The following ATP6V1C2 variants were observed in gnomAD, a reference collection of about 807,000 sequenced individuals.
The protein encoded by ATP6V1C2 is ATPase H+ transporting V1 subunit C2.
In ATP6V1C2, 45 loss-of-function variants were observed where a neutral mutation model predicts 56.8. The observed-to-expected ratio is 0.79, with a 90% confidence interval of 0.62 to 1.02. ATP6V1C2 has a LOEUF of 1.02. Among genes scored for constraint, ATP6V1C2 ranks in the 50% least tolerant of loss-of-function variants. ATP6V1C2 has a pLI of 0.00. For missense variants in ATP6V1C2, 463 were observed against 519.7 expected (o/e 0.89, Z 1.06); for synonymous variants, 220 against 201.3 (o/e 1.09, Z -0.79).
chr2:10,757,003 CT>C (rs57191070), intron 4 of ATP6V1C2, among the ~76,000 whole-genome samples: 295 of 81,478 alleles, frequency 3.6e-3, no homozygotes, highest in Non-Finnish European at 3.9e-3. Context: ...CATGAGGAGA[CT>C]TTTTTTTTTT....
intron 1 of ATP6V1C2, among the ~76,000 whole-genome samples, chr2:10,722,561 G>A (rs1172512825): frequency 6.6e-6 from 1 of 152,152 alleles, no homozygotes; most frequent in Non-Finnish European, 1.5e-5. Flanking sequence ...GTTCACTGAG[G>A]TGGAGAGAAA....
intron 3 of ATP6V1C2, among the ~76,000 whole-genome samples, chr2:10,727,877 C>T (rs147458998): frequency 0.014 from 2,196 of 152,254 alleles, 102 homozygotes; most frequent in East Asian, 0.14. Context: ...TCACTCCAGC[C>T]TGGGTGACAG....
In ATP6V1C2 at chr2:10,722,854, C is replaced by T. The variant is rs200699798; in HGVS notation, c.5C>T (p.Ser2Leu). The part of the protein sequence containing the change: M[S>L]EFWLISAPGD... ...GGGTAAGAGAAGACTGGAAGCATGT[C>T]GGAGTTTTGGTTAATTTCTGCCCCT... is the stretch of plus-strand genomic sequence containing the variant. The change falls in exon 2 of 14, where the codon TCG becomes TTG. Residue 2 changes from serine to leucine, a missense_variant. Ser to Leu is a moderately radical substitution (Grantham distance 145). Coordinates refer to ENST00000272238, the MANE Select transcript of ATP6V1C2 (RefSeq NM_001039362.2). The T allele has an allele frequency of 8.5e-5, 137 of 1,613,920 alleles. 1 individual carries two copies. Among genetic ancestry groups the T allele is most frequent in the East Asian group, 4.0e-4 (18 of 44,866 alleles).
Position 10,727,827 on chromosome 2 carries a change from AG to A in ATP6V1C2, c.197+1264del, listed in dbSNP as rs919926633. Among the ~76,000 whole-genome samples, 24 of 122,568 alleles carry A rather than the reference AG, an allele frequency of 2.0e-4. No homozygotes were observed. In the South Asian group the frequency reaches 3.2e-3, roughly 16 times the overall value. The allele number at this position is 122,568 out of a possible 152,430, so 80.4% of individuals were successfully genotyped here. On this transcript the variant is annotated intron_variant, in intron 3 of 13. Transcript: ENST00000272238. Reference sequence around the variant, plus strand: ...GGCAGGAGAATCGCTTGAGCGGGGGAGGGGGGATGGGGGTTGCAGTGAGCCG... The same window carrying A: ...GGCAGGAGAATCGCTTGAGCGGGGGAGGGGGATGGGGGTTGCAGTGAGCCG...
At chr2:10,749,875 G>T (rs918752099) in intron 3 of ATP6V1C2, among the ~76,000 whole-genome samples, 2 of 152,174 alleles carry the variant, frequency 1.3e-5, no homozygotes, top group African/African-American at 2.4e-5. Flanking sequence ...TCCAATAGTA[G>T]AGAATTTGTT....
At chr2:10,728,272 C>T (rs1415358126) in intron 3 of ATP6V1C2, among the ~76,000 whole-genome samples, 4 of 152,004 alleles carry the variant, frequency 2.6e-5, no homozygotes, top group Admixed American at 6.6e-5. Context: ...TTGGTAAAGA[C>T]AAGGTCTCAC....
rs991691269 is a variant in ATP6V1C2 at position 10,780,531 on chromosome 2, C to T, written c.1062-1712C>T. 4.6e-5 allele frequency among the ~76,000 whole-genome samples: 7 copies of T among 152,202 alleles called. No homozygotes were observed. The highest frequency in any genetic ancestry group is 7.3e-5 in the Non-Finnish European group (5 of 68,036). On this transcript the variant is annotated intron_variant, in intron 12 of 13. Coordinates refer to ENST00000272238, the MANE Select transcript of ATP6V1C2 (RefSeq NM_001039362.2). The surrounding 1 kb of genome is among the most constrained non-coding windows in gnomAD (Gnocchi z 4.1). ...GCACGCCCATCTCAAAAGCCTGTAC[C>T]GACACGGATGGCAGCATTGGGTTGG...
At chr2:10,762,078 C>T (rs951649839) in intron 4 of ATP6V1C2, among the ~76,000 whole-genome samples, 1 of 152,032 alleles carries the variant, frequency 6.6e-6, no homozygotes, top group East Asian at 1.9e-4. Flanking sequence ...ACAGCTTGCT[C>T]TGTGCCAGCG....
At chr2:10,782,181 G>T (rs765413615) in intron 12 of ATP6V1C2, 62 bp from the exon 13 acceptor site, 6 of 1,595,670 alleles carry the variant, frequency 3.8e-6, no homozygotes, top group Non-Finnish European at 5.1e-6. Context: ...TTCTGGTCAG[G>T]TTCCTTCTAT....
At position 10,763,216 on chromosome 2, in the gene ATP6V1C2, C is replaced by G. The variant is rs913546054; in HGVS notation, c.284-1115C>G. Reference sequence around the variant, plus strand: ...GCCCCGAGTACGTAGCGCTGCCAGCCCTCCTCACCTGACACCCGGCGCCCT... The same window carrying G: ...GCCCCGAGTACGTAGCGCTGCCAGCGCTCCTCACCTGACACCCGGCGCCCT... On this transcript the variant is annotated intron_variant, in intron 4 of 13. Transcript: ENST00000272238. This position sits in a 1 kb window ranked among gnomAD's most constrained non-coding sequence, Gnocchi z 4.2. Among the ~76,000 whole-genome samples, 1 of 152,172 alleles carries G rather than the reference C, an allele frequency of 6.6e-6. No individual in the cohort carries two copies.
chr2:10,733,836 C>CCCCTGAGTGCTTCCCCTGTCGTTGCTTGG (rs1662104870), intron 3 of ATP6V1C2, among the ~76,000 whole-genome samples: 1 of 152,026 alleles, frequency 6.6e-6, no homozygotes, highest in African/African-American at 2.4e-5. Context: ...TCGTTGCTTG[C>CCCCTGAGTGCTTCCCCTGTCGTTGCTTGG]CCCTGAGTGC....
chr2:10,735,998 A>G (rs528034606), intron 3 of ATP6V1C2, among the ~76,000 whole-genome samples: 13 of 152,298 alleles, frequency 8.5e-5, no homozygotes, highest in African/African-American at 3.1e-4. Flanking sequence ...GCTGGCCTGA[A>G]GACCACATTT....
At chr2:10,729,302 T>C (rs944499947) in intron 3 of ATP6V1C2, among the ~76,000 whole-genome samples, 2 of 151,920 alleles carry the variant, frequency 1.3e-5, no homozygotes, top group African/African-American at 4.8e-5. Context: ...TAGCTGGGAT[T>C]ACAGGTACAT....
intron 3 of ATP6V1C2, among the ~76,000 whole-genome samples, chr2:10,742,024 C>T (rs1471131647): frequency 3.3e-5 from 5 of 152,054 alleles, no homozygotes; most frequent in Admixed American, 2.0e-4. Context: ...GTTCTCCTGC[C>T]TCAGCCTCCC....
At chr2:10,746,814 A>G in intron 3 of ATP6V1C2, among the ~76,000 whole-genome samples, 1 of 152,256 alleles carries the variant, frequency 6.6e-6, no homozygotes, top group East Asian at 1.9e-4. Context: ...TCTTGTATCC[A>G]TGAAGATAAT....
At chr2:10,724,408 C>T (rs1661527341) in intron 2 of ATP6V1C2, among the ~76,000 whole-genome samples, 1 of 152,148 alleles carries the variant, frequency 6.6e-6, no homozygotes, top group African/African-American at 2.4e-5. Context: ...TGTTGTCAGG[C>T]TGGTAAGTGG....
intron 3 of ATP6V1C2, among the ~76,000 whole-genome samples, chr2:10,737,776 C>T (rs1662335521): frequency 6.6e-6 from 1 of 152,192 alleles, no homozygotes; most frequent in Non-Finnish European, 1.5e-5. Flanking sequence ...TCACTGCAAC[C>T]TTTGCCTTCC....
At chr2:10,775,122 A>G in intron 10 of ATP6V1C2, 51 bp downstream of exon 10, 2 of 1,403,666 alleles carry the variant, frequency 1.4e-6, no homozygotes, top group South Asian at 2.3e-5. Context: ...AGGCCTGGGG[A>G]TAGAAGAGTC....
intron 3 of ATP6V1C2, among the ~76,000 whole-genome samples, chr2:10,736,652 C>G (rs1243987219): frequency 6.6e-6 from 1 of 151,576 alleles, no homozygotes; most frequent in Non-Finnish European, 1.5e-5. Context: ...TTTTCTTGCT[C>G]TTTTCTGTAA....
Sources: gnomAD v4.1 joint callset for allele counts (sites outside exome capture counted in the v4.1 genomes callset) on GRCh38, gnomAD v4.1.1 for gene constraint, Gnocchi (gnomAD v3.1) non-coding constraint, MANE v1.5 for transcripts, NCBI Gene and HGNC (gene_info 2026-07-23, HGNC 2026-07-21) for gene names.